The following PRLR variants were observed in gnomAD, a reference collection of about 807,000 sequenced individuals.
PRLR encodes the protein prolactin receptor.
PRLR carries 13 observed loss-of-function variants against 40.2 expected under a neutral mutation model. That is an observed-to-expected ratio of 0.32 (90% confidence interval 0.21 to 0.51). The LOEUF is 0.51. Ranked by LOEUF, PRLR falls within the 20% of genes least tolerant of loss-of-function variation. The probability of loss-of-function intolerance (pLI) is 0.97; values close to 1 mark genes in which losing one functional copy is unlikely to be tolerated. For missense variants in PRLR, 656 were observed against 747.3 expected (o/e 0.88, Z 1.42); for synonymous variants, 269 against 278.7 (o/e 0.97, Z 0.35).
chr5:35,072,607 G>A lies in PRLR; in HGVS notation c.511C>T (p.Arg171Ter), dbSNP rs376188691. ...TGWFTLLYEI[R>*]LKPEKAAEWE... ...TCAGCTGCTTTCTCGGGTTTTAATCGAATTTCATACAGGAGCGTGAACCAA... is the reference window on the plus strand; with the variant it reads ...TCAGCTGCTTTCTCGGGTTTTAATCAAATTTCATACAGGAGCGTGAACCAA... The change falls in exon 6 of 10, where the codon CGA becomes TGA. Residue 171 changes from arginine (R) to a stop codon, truncating the protein, a stop_gained. Coordinates refer to ENST00000618457, the MANE Select transcript of PRLR (RefSeq NM_000949.7). LOFTEE classifies it high-confidence loss of function. 3 of 1,613,962 alleles carry A rather than the reference G, an allele frequency of 1.9e-6. No individual in the cohort carries two copies. The highest frequency in any genetic ancestry group is 1.7e-6 in the Non-Finnish European group (2 of 1,179,954).
intron 2 of PRLR, among the ~76,000 whole-genome samples, chr5:35,107,684 C>T (rs773354110): frequency 2.6e-5 from 4 of 152,118 alleles, no homozygotes; most frequent in African/African-American, 4.8e-5. Flanking sequence ...AGGAAGAAGT[C>T]GAATCCCTGA....
chr5:35,166,107 G>A (rs1167723593), intron 1 of PRLR, among the ~76,000 whole-genome samples: 1 of 152,154 alleles, frequency 6.6e-6, no homozygotes, highest in African/African-American at 2.4e-5. Flanking sequence ...TTGAGGCCAA[G>A]GTTTGAGACA....
At chr5:35,171,745 A>T (rs1775003004) in intron 1 of PRLR, among the ~76,000 whole-genome samples, 1 of 152,174 alleles carries the variant, frequency 6.6e-6, no homozygotes, top group African/African-American at 2.4e-5. Context: ...CCTGGGTTGT[A>T]GGACATGGAA....
At chr5:35,201,382 G>A (rs1775879815) in intron 1 of PRLR, among the ~76,000 whole-genome samples, 1 of 152,166 alleles carries the variant, frequency 6.6e-6, no homozygotes, top group Non-Finnish European at 1.5e-5. Context: ...TGTGTCCAAG[G>A]AAAATGATAT....
At chr5:35,083,068 TACACACACACACAC>T (rs3836809) in intron 5 of PRLR, among the ~76,000 whole-genome samples, 3 of 144,730 alleles carry the variant, frequency 2.1e-5, no homozygotes, top group African/African-American at 2.5e-5. Context: ...GGTAAGGCAA[TACACACACACACAC>T]ACACACACAC....
At chr5:35,171,534 ATGTACCTGGC>A (rs1774997033) in intron 1 of PRLR, among the ~76,000 whole-genome samples, 1 of 152,172 alleles carries the variant, frequency 6.6e-6, no homozygotes, top group Non-Finnish European at 1.5e-5. Flanking sequence ...CTCAGAACAG[ATGTACCTGGC>A]TGTGCTAGAC....
chr5:35,197,395 T>C (rs1464803570), intron 1 of PRLR, among the ~76,000 whole-genome samples: 1 of 152,170 alleles, frequency 6.6e-6, no homozygotes, highest in African/African-American at 2.4e-5. Context: ...TTCTGGCTGC[T>C]CCCCCAGGTC....
Position 35,163,005 on chromosome 5 carries a change from C to G in PRLR, c.-105-44883G>C, listed in dbSNP as rs114312833. Among the ~76,000 whole-genome samples, 754 of 152,172 alleles carry G rather than the reference C, an allele frequency of 5.0e-3. 7 individuals are homozygous for G. The highest frequency in any genetic ancestry group is 0.017 in the African/African-American group (708 of 41,512). Reference sequence around the variant, plus strand: ...CTTTTGAGACAGCCAGGTGGGAAGGCGGTTCCCAGAAAACTCCAACCGACT... The same window carrying G: ...CTTTTGAGACAGCCAGGTGGGAAGGGGGTTCCCAGAAAACTCCAACCGACT... On this transcript the variant is annotated intron_variant, in intron 1 of 9. Transcript: ENST00000618457.
chr5:35,204,248 A>AAC (rs1383223191), intron 1 of PRLR, among the ~76,000 whole-genome samples: 14 of 151,884 alleles, frequency 9.2e-5, no homozygotes, highest in Non-Finnish European at 1.5e-4. Context: ...TGAAAAAAAA[A>AAC]ACATAAAAAC....
At chr5:35,157,895 A>G (rs1263402119) in intron 1 of PRLR, among the ~76,000 whole-genome samples, 3 of 152,182 alleles carry the variant, frequency 2.0e-5, no homozygotes, top group African/African-American at 7.2e-5. Flanking sequence ...TTCCCAGCTG[A>G]GAAATCTGAT....
intron 3 of PRLR, among the ~76,000 whole-genome samples, chr5:35,087,684 G>T (rs1401967393): frequency 6.6e-6 from 1 of 152,008 alleles, no homozygotes; most frequent in Non-Finnish European, 1.5e-5. Context: ...TCAGTGAGGT[G>T]GTGTGAAAAT....
intron 1 of PRLR, among the ~76,000 whole-genome samples, chr5:35,202,472 C>T (rs921998112): frequency 4.6e-5 from 7 of 152,102 alleles, no homozygotes; most frequent in African/African-American, 1.7e-4. Context: ...ACCCTCAGTC[C>T]GTCCGTACTG....
At position 35,064,476 on chromosome 5, in the gene PRLR, G is replaced by A. The variant is rs1769228433; in HGVS notation, c.*613C>T. The stretch of plus-strand genomic sequence containing the variant: ...AGTAGAATTTAGGGGGAAAATCCAT[G>A]CTTAACATATCTAAACTATTTTAAG... On this transcript the variant is annotated 3_prime_UTR_variant, in exon 10 of 10. Transcript: ENST00000618457. 6.6e-6 allele frequency: 1 copy of A among 152,524 alleles called. No homozygotes were observed. Among genetic ancestry groups the A allele is most frequent in the Non-Finnish European group, 1.5e-5 (1 of 68,026 alleles). 9.4% of individuals were successfully genotyped at this position (152,524 alleles called of 1,614,324 possible).
chr5:35,185,346 C>A (rs1349067152), intron 1 of PRLR, among the ~76,000 whole-genome samples: 1 of 152,144 alleles, frequency 6.6e-6, no homozygotes, highest in Non-Finnish European at 1.5e-5. Flanking sequence ...GGCCAGATGA[C>A]CCCAGTCCCT....
intron 1 of PRLR, among the ~76,000 whole-genome samples, chr5:35,122,128 T>A (rs976522837): frequency 1.3e-5 from 2 of 152,210 alleles, no homozygotes; most frequent in African/African-American, 4.8e-5. Context: ...ATCATCCTAA[T>A]TGATGAATTT....
In PRLR at chr5:35,057,773, A is replaced by G. The variant is rs940439243; in HGVS notation, c.*7316T>C. 2.6e-5 allele frequency: 4 copies of G among 152,182 alleles called. No individual in the cohort carries two copies. Among genetic ancestry groups the G allele is most frequent in the African/African-American group, 7.2e-5 (3 of 41,452 alleles). 9.4% of individuals were successfully genotyped at this position (152,182 alleles called of 1,614,324 possible). A position where few individuals can be genotyped will look rare whatever the true frequency, so the allele number is the denominator to read the frequency against. On this transcript the variant is annotated 3_prime_UTR_variant, in exon 10 of 10. Coordinates refer to ENST00000618457, the MANE Select transcript of PRLR (RefSeq NM_000949.7). ...CTTTAAGTCTAAAAAAATAGACATTACAATAACTACATATAGAAATGAGTT... is the reference window on the plus strand; with the variant it reads ...CTTTAAGTCTAAAAAAATAGACATTGCAATAACTACATATAGAAATGAGTT...
intron 1 of PRLR, among the ~76,000 whole-genome samples, chr5:35,130,710 C>T (rs182893752): frequency 3.9e-4 from 60 of 152,260 alleles, no homozygotes; most frequent in African/African-American, 1.3e-3. Flanking sequence ...CCGAAAGAGA[C>T]GCTGAAGTCC....
Position 35,061,703 on chromosome 5 carries a change from C to T in PRLR, c.*3386G>A, listed in dbSNP as rs1462809418. On this transcript the variant is annotated 3_prime_UTR_variant, in exon 10 of 10. Coordinates refer to ENST00000618457, the MANE Select transcript of PRLR (RefSeq NM_000949.7). ...TGTTCAGGTTGTAAGCTACACAAAT[C>T]ACCCGTTGCCTAGATTCAGTTTCCA... 1.3e-5 allele frequency: 2 copies of T among 152,186 alleles called. No homozygotes were observed. Among genetic ancestry groups the T allele is most frequent in the African/African-American group, 4.8e-5 (2 of 41,452 alleles). The allele number at this position is 152,186 out of a possible 1,614,324, so 9.4% of individuals were successfully genotyped here.
rs765163505 is a variant in PRLR at position 35,070,119 on chromosome 5, C to T, written c.685+5G>A. ...ACATAAGCAAAAAAGAGCCAAGACG[C>T]TCACCACTAGGTATCTGAATGAAGG... On this transcript the variant is annotated splice_donor_5th_base_variant and intron_variant, in intron 7 of 9. Coordinates refer to ENST00000618457, the MANE Select transcript of PRLR (RefSeq NM_000949.7). 21 of 1,596,568 alleles carry T rather than the reference C, an allele frequency of 1.3e-5. No individual in the cohort carries two copies. The Admixed American group carries it at 1.5e-4, about 11-fold the overall frequency.
Sources: gnomAD v4.1 joint callset for allele counts (sites outside exome capture counted in the v4.1 genomes callset) on GRCh38, gnomAD v4.1.1 for gene constraint, MANE v1.5 for transcripts, NCBI Gene and HGNC (gene_info 2026-07-23, HGNC 2026-07-21) for gene names.